The following PDE1A variants were observed in gnomAD, a reference collection of about 807,000 sequenced individuals.
The protein encoded by PDE1A is phosphodiesterase 1A.
Under a neutral mutation model 61.7 loss-of-function variants are expected in PDE1A, and 35 were observed. That is an observed-to-expected ratio of 0.57 (90% CI 0.43 to 0.75). The LOEUF (loss-of-function observed/expected upper bound fraction) is 0.75, where lower values mean the gene tolerates loss of function less well. Among genes scored for constraint, PDE1A ranks in the 30% least tolerant of loss-of-function variants. The pLI is 0.00. For missense variants in PDE1A, 597 were observed against 630.6 expected, an observed-to-expected ratio of 0.95 and a Z score of 0.57; for synonymous variants, 232 against 213.2, an observed-to-expected ratio of 1.09 and a Z score of -0.77.
At chr2:182,422,428 G>A (rs1472646891) in intron 1 of PDE1A, among the ~76,000 whole-genome samples, 3 of 152,126 alleles carry the variant, frequency 2.0e-5, no homozygotes, top group African/African-American at 7.2e-5. Context: ...TCAAGTAAGA[G>A]AAAATAATTG....
the PDE1A span, among the ~76,000 whole-genome samples, chr2:182,627,038 A>G: frequency 0.064 from 125 of 1,954 alleles, 10 homozygotes; most frequent in African/African-American, 0.16. Flanking sequence ...ATAAATATAT[A>G]TATTATTTAT....
the PDE1A span, among the ~76,000 whole-genome samples, chr2:182,611,714 G>A: frequency 6.6e-6 from 1 of 151,080 alleles, no homozygotes; most frequent in East Asian, 1.9e-4. Flanking sequence ...AATTTATATT[G>A]CCAGGAAATA....
chr2:182,349,994 C>A (rs569966424), intron 1 of PDE1A, among the ~76,000 whole-genome samples: 2 of 152,094 alleles, frequency 1.3e-5, no homozygotes, highest in Non-Finnish European at 2.9e-5. Flanking sequence ...TTAACACTGG[C>A]TCCCAGATTA....
chr2:182,361,690 G>T (rs1341480730), intron 1 of PDE1A, among the ~76,000 whole-genome samples: 1 of 151,934 alleles, frequency 6.6e-6, no homozygotes, highest in African/African-American at 2.4e-5. Flanking sequence ...AAAACAGCTG[G>T]ATCCCTTAAA....
chr2:182,426,059 A>C (rs1395928173), intron 1 of PDE1A, among the ~76,000 whole-genome samples: 2 of 152,140 alleles, frequency 1.3e-5, no homozygotes, highest in African/African-American at 4.8e-5. Context: ...CCACAGTGTA[A>C]AATTTTTCCT....
chr2:182,261,767 GAATA>G (rs1416733067), intron 2 of PDE1A, among the ~76,000 whole-genome samples: 2 of 152,048 alleles, frequency 1.3e-5, no homozygotes, highest in African/African-American at 4.8e-5. Flanking sequence ...CCAGAAAAAT[GAATA>G]AATAAATAAA....
At chr2:182,711,369 G>T in the PDE1A span, among the ~76,000 whole-genome samples, 2 of 152,028 alleles carry the variant, frequency 1.3e-5, no homozygotes, top group Non-Finnish European at 2.9e-5. Flanking sequence ...TTTATGGAAA[G>T]AAAAAACTAA....
chr2:182,507,278 C>T (rs1689472938), intron 2 of PDE1A, among the ~76,000 whole-genome samples: 2 of 152,138 alleles, frequency 1.3e-5, no homozygotes, highest in South Asian at 4.1e-4. Context: ...TGCATATCAA[C>T]TAGCTTTTGT....
intron 1 of PDE1A, among the ~76,000 whole-genome samples, chr2:182,282,867 G>T (rs1693903345): frequency 6.6e-6 from 1 of 151,920 alleles, no homozygotes; most frequent in African/African-American, 2.4e-5. Flanking sequence ...AAGCCCTAAT[G>T]AAATAGTCTC....
chr2:182,658,799 G>A, the PDE1A span, among the ~76,000 whole-genome samples: 1 of 152,132 alleles, frequency 6.6e-6, no homozygotes, highest in African/African-American at 2.4e-5. Flanking sequence ...AATTCTTTTG[G>A]ATATGAGATG....
chr2:182,337,292 G>T (rs1697896448), intron 1 of PDE1A, among the ~76,000 whole-genome samples: 1 of 152,068 alleles, frequency 6.6e-6, no homozygotes, highest in Non-Finnish European at 1.5e-5. Flanking sequence ...TGGAAAGAAA[G>T]AAAATATCCT....
the PDE1A span, among the ~76,000 whole-genome samples, chr2:182,562,944 C>CT: frequency 2.6e-5 from 4 of 152,140 alleles, no homozygotes; most frequent in African/African-American, 9.7e-5. Context: ...ATTCTTTGCT[C>CT]TTTTCTTCTT....
chr2:182,186,608 A>AAG lies in PDE1A; in HGVS notation c.1208-22_1208-21dup, dbSNP rs755897643. Reference sequence around the variant, plus strand: ...TGAAACCTACAAAAGCCAAAATGAGAAGAGAGAGAGATAAATTCAAGTGTT... The same window carrying AAG: ...TGAAACCTACAAAAGCCAAAATGAGAAGAGAGAGAGAGATAAATTCAAGTGTT... On this transcript the variant is annotated intron_variant, in intron 11 of 13. Coordinates refer to ENST00000351439, the Ensembl canonical transcript of PDE1A. The AAG allele has an allele frequency of 3.2e-6, 5 of 1,580,936 alleles. No homozygotes were observed. Among genetic ancestry groups the AAG allele is most frequent in the Middle Eastern group, 1.7e-4 (1 of 5,924 alleles).
At chr2:182,616,408 C>A in the PDE1A span, among the ~76,000 whole-genome samples, 1 of 152,204 alleles carries the variant, frequency 6.6e-6, no homozygotes, top group East Asian at 1.9e-4. Context: ...TGGCACACCA[C>A]AAGGACAGGT....
the PDE1A span, among the ~76,000 whole-genome samples, chr2:182,713,749 T>C: frequency 6.6e-6 from 1 of 152,248 alleles, no homozygotes; most frequent in African/African-American, 2.4e-5. Flanking sequence ...ACTCAGCTTA[T>C]GAACTTGCTC....
chr2:182,613,666 A>G, the PDE1A span, among the ~76,000 whole-genome samples: 7 of 152,354 alleles, frequency 4.6e-5, no homozygotes, highest in African/African-American at 1.4e-4. Context: ...ATAAAAGATC[A>G]ACTATCTTCA....
the PDE1A span, among the ~76,000 whole-genome samples, chr2:182,697,105 G>A: frequency 6.6e-6 from 1 of 152,154 alleles, no homozygotes; most frequent in Non-Finnish European, 1.5e-5. Context: ...TACCAAGATG[G>A]CTGAAATTCC....
At chr2:182,463,693 C>T (rs1364491588) in intron 2 of PDE1A, 5 of 152,064 alleles carry the variant, frequency 3.3e-5, no homozygotes, top group Admixed American at 3.3e-4. Context: ...TTTTGCAAGG[C>T]AAAAATTTTA....
intron 2 of PDE1A, among the ~76,000 whole-genome samples, chr2:182,455,052 A>C (rs1559479548): frequency 6.6e-6 from 1 of 151,972 alleles, no homozygotes; most frequent in African/African-American, 2.4e-5. Context: ...ACTCAAACAA[A>C]TTTACAAGAA....
Sources: allele counts gnomAD v4.1 joint callset (sites outside exome capture counted in the v4.1 genomes callset), GRCh38; gene constraint gnomAD v4.1.1; transcripts MANE v1.5; gene names NCBI Gene and HGNC (gene_info 2026-07-23, HGNC 2026-07-21).